Variants in TEX11 observed in about 807,000 individuals in gnomAD.
TEX11 encodes the protein testis-expressed protein 11.
Under a neutral mutation model 84.4 loss-of-function variants are expected in TEX11, and 7 were observed. That is an observed-to-expected ratio of 0.08 (90% CI 0.05 to 0.16). The LOEUF (loss-of-function observed/expected upper bound fraction) is 0.16, where lower values mean the gene tolerates loss of function less well. Ranked by LOEUF, TEX11 falls within the 10% of genes least tolerant of loss-of-function variation. The probability of loss-of-function intolerance (pLI) is 1.00; values close to 1 mark genes in which losing one functional copy is unlikely to be tolerated. For missense variants in TEX11, 551 were observed against 660.5 expected, an observed-to-expected ratio of 0.83 and a Z score of 1.82; for synonymous variants, 264 against 222.8, an observed-to-expected ratio of 1.18 and a Z score of -1.64.
chrX:70,894,855 A>G (rs1681632914), intron 2 of TEX11, among the ~76,000 whole-genome samples: 2 of 111,700 alleles, frequency 1.8e-5, no homozygotes, highest in African/African-American at 6.5e-5. Flanking sequence ...AAAAACTCTC[A>G]ATAAACTAGG....
intron 16 of TEX11, among the ~76,000 whole-genome samples, chrX:70,659,388 T>C (rs1239057166): frequency 8.9e-6 from 1 of 112,041 alleles, no homozygotes; most frequent in African/African-American, 3.2e-5. Flanking sequence ...TAAAAATGGG[T>C]AAAGGACTTC....
chrX:70,780,701 C>T (rs895258744), intron 9 of TEX11, among the ~76,000 whole-genome samples: 2 of 112,868 alleles, frequency 1.8e-5, no homozygotes, highest in African/African-American at 6.4e-5. Context: ...GCCTTGCTCA[C>T]TGCTAGCGCA....
chrX:70,888,459 T>C (rs186581861), intron 2 of TEX11, among the ~76,000 whole-genome samples: 36 of 112,194 alleles, frequency 3.2e-4, no homozygotes, highest in African/African-American at 1.1e-3. Context: ...AGTCCTTTAA[T>C]AGCAAAATTG....
chrX:70,634,709 G>T, intron 17 of TEX11, among the ~76,000 whole-genome samples: 1 of 95,298 alleles, frequency 1.0e-5, no homozygotes, highest in African/African-American at 3.6e-5. Context: ...GGATAGTCAT[G>T]TGCAAAAAAA....
chrX:70,574,819 T>A (rs2088652215), intron 25 of TEX11, among the ~76,000 whole-genome samples: 1 of 110,827 alleles, frequency 9.0e-6, no homozygotes, highest in Non-Finnish European at 1.9e-5. Flanking sequence ...TTTGAAAGGG[T>A]GTGGTCTCTG....
chrX:70,541,987 T>C (rs1032389568), intron 28 of TEX11, among the ~76,000 whole-genome samples: 3 of 111,601 alleles, frequency 2.7e-5, no homozygotes, highest in African/African-American at 9.8e-5. Context: ...CTTCTAAATA[T>C]CAACTTGAGC....
At chrX:70,750,799 A>ATT (rs1209482723) in intron 9 of TEX11, among the ~76,000 whole-genome samples, 3 of 100,393 alleles carry the variant, frequency 3.0e-5, no homozygotes, top group African/African-American at 1.1e-4. Context: ...GAGGGATAGC[A>ATT]TTGGGAGATA....
chrX:70,784,996 C>T (rs1444025077), intron 9 of TEX11, among the ~76,000 whole-genome samples: 3 of 111,586 alleles, frequency 2.7e-5, no homozygotes, highest in African/African-American at 9.8e-5. Flanking sequence ...TATATGGAAA[C>T]AGAAAAGAGC....
intron 13 of TEX11, among the ~76,000 whole-genome samples, chrX:70,684,406 T>C (rs2090171035): frequency 9.0e-6 from 1 of 111,342 alleles, no homozygotes; most frequent in African/African-American, 3.3e-5. Context: ...GCCAACATGG[T>C]GAAACCCTGT....
chrX:70,873,551 C>T (rs1484451927), intron 3 of TEX11, among the ~76,000 whole-genome samples: 1 of 111,624 alleles, frequency 9.0e-6, no homozygotes, highest in Non-Finnish European at 1.9e-5. Flanking sequence ...TATACCTTCA[C>T]CTGATATACC....
the TEX11 span, among the ~76,000 whole-genome samples, chrX:70,515,390 G>A: frequency 0.012 from 1,273 of 109,400 alleles, 12 homozygotes; most frequent in Non-Finnish European, 0.02. Context: ...CTGTCCTTGC[G>A]ATAGTTTGCT....
intron 28 of TEX11, among the ~76,000 whole-genome samples, chrX:70,540,186 A>G (rs1249212055): frequency 8.9e-6 from 1 of 112,659 alleles, no homozygotes; most frequent in South Asian, 3.6e-4. Context: ...CAAATAACGA[A>G]AAAAGACAAT....
intron 9 of TEX11, among the ~76,000 whole-genome samples, chrX:70,760,750 T>A (rs775581539): frequency 9.0e-6 from 1 of 111,108 alleles, no homozygotes; most frequent in East Asian, 2.8e-4. Context: ...AAAGCAAAAA[T>A]TGACAAATGG....
chrX:70,551,590 G>A (rs1024064818), intron 28 of TEX11, among the ~76,000 whole-genome samples: 2 of 111,609 alleles, frequency 1.8e-5, no homozygotes. Flanking sequence ...TGTAGTGATA[G>A]TTGCACAACT....
chrX:70,526,988 G>A (rs924963878), downstream of TEX11, among the ~76,000 whole-genome samples: 2 of 111,576 alleles, frequency 1.8e-5, no homozygotes, highest in African/African-American at 6.5e-5. Flanking sequence ...TAATAAAACA[G>A]GAATCCATTA....
At chrX:70,753,785 G>A (rs938502852) in intron 9 of TEX11, among the ~76,000 whole-genome samples, 1 of 110,205 alleles carries the variant, frequency 9.1e-6, no homozygotes, top group African/African-American at 3.3e-5. Context: ...CAAGGGTTAG[G>A]GTTGTGAGGC....
At chrX:70,731,077 CAG>C (rs1323708552) in intron 11 of TEX11, among the ~76,000 whole-genome samples, 2 of 111,780 alleles carry the variant, frequency 1.8e-5, no homozygotes, top group Admixed American at 9.5e-5. Flanking sequence ...AAAATAAAGA[CAG>C]AAATAAAGAC....
chrX:70,688,480 A>C (rs1463338745), intron 13 of TEX11, among the ~76,000 whole-genome samples: 1 of 111,133 alleles, frequency 9.0e-6, no homozygotes. Context: ...TAAGTGGAAG[A>C]AGCCAATCTA....
intron 2 of TEX11, chrX:70,897,608 A>AAAGGAAGGAAGGAAGGAAGGAAGG (rs199764412): frequency 4.5e-4 from 24 of 53,849 alleles, no homozygotes; most frequent in African/African-American, 1.9e-3. Flanking sequence ...AAGAAAGAAA[A>AAAGGAAGGAAGGAAGGAAGGAAGG]AAGGAAGGAA....
Sources: gnomAD v4.1 joint callset for allele counts (sites outside exome capture counted in the v4.1 genomes callset) on GRCh38, gnomAD v4.1.1 for gene constraint, MANE v1.5 for transcripts, NCBI Gene and HGNC (gene_info 2026-07-23, HGNC 2026-07-21) for gene names.